The following ERI2 variants were observed in gnomAD, a reference collection of about 807,000 sequenced individuals.
The protein encoded by ERI2 is ERI1 exoribonuclease family member 2.
A neutral mutation model predicts 46.8 loss-of-function variants in ERI2; 35 were observed. The observed-to-expected ratio is 0.75, with a 90% CI of 0.57 to 0.99. The LOEUF is 0.99. Among genes scored for constraint, ERI2 ranks in the 50% least tolerant of loss-of-function variants. The pLI, the probability that ERI2 is intolerant of heterozygous loss-of-function variation, is 0.00. For missense variants in ERI2, 695 were observed against 796.2 expected, an observed-to-expected ratio of 0.87 and a Z score of 1.53; for synonymous variants, 224 against 271.0, an observed-to-expected ratio of 0.83 and a Z score of 1.70.
downstream of ERI2, among the ~76,000 whole-genome samples, chr16:20,794,011 T>C (rs1350111896): frequency 6.6e-6 from 1 of 151,902 alleles, no homozygotes; most frequent in Non-Finnish European, 1.5e-5. Context: ...TTAGTCAGAG[T>C]GAGGGGGAAA....
At chr16:20,780,658 G>T in exon 11 of ERI2, 1 of 1,614,114 alleles carries the variant, frequency 6.2e-7, no homozygotes, top group South Asian at 1.1e-5. Flanking sequence ...TTTTTCAGTG[G>T]TAACAGTCTG....
downstream of ERI2, chr16:20,791,880 A>G (rs2080605955): frequency 2.6e-6 from 3 of 1,166,318 alleles, no homozygotes; most frequent in Middle Eastern, 2.3e-4. Context: ...GTAAGCCAAG[A>G]TCGTACTACT....
intron 10 of ERI2, among the ~76,000 whole-genome samples, chr16:20,785,434 CA>C (rs1482819100): frequency 6.6e-6 from 1 of 152,010 alleles, no homozygotes; most frequent in Non-Finnish European, 1.5e-5. Context: ...AGGGCTGCCT[CA>C]AAATGGAAAA....
At position 20,784,318 on chromosome 16, in the gene ERI2, G is replaced by A. The variant is rs538938168; in HGVS notation, c.895-3584C>T. Among the ~76,000 whole-genome samples, 34 of 152,158 alleles carry A rather than the reference G, an allele frequency of 2.2e-4. No homozygotes were observed. In the South Asian group the frequency reaches 7.1e-3, roughly 32 times the overall value. On this transcript the variant is annotated intron_variant, in intron 10 of 10. Transcript: ENST00000300005. ...TTTCTAGTGTTCAATATCCATATAGGGCTAGCATATACTGTAGTGGGTACA... is the reference window on the plus strand; with the variant it reads ...TTTCTAGTGTTCAATATCCATATAGAGCTAGCATATACTGTAGTGGGTACA...
rs1181964548 is a variant in ERI2 at position 20,797,880 on chromosome 16, T to C, written c.1920A>G (p.Glu640=). The C allele has an allele frequency of 2.6e-6, 4 of 1,551,680 alleles. No individual in the cohort carries two copies. Among genetic ancestry groups the C allele is most frequent in the Admixed American group, 2.0e-5 (1 of 50,996 alleles). The part of the protein sequence containing the change: ...NRKCCGYFKW[E]QTLQKERANS... ...TGGCTCTTTCCTTTTGAAGTGTTTG[T>C]TCCCATTTGAAATAACCACAACATT... The change falls in exon 9 of 9, where the codon GAA becomes GAG. Residue 640 remains glutamate (E), a synonymous_variant. Transcript: ENST00000357967.
At chr16:20,782,904 G>T (rs1395847950) in intron 10 of ERI2, among the ~76,000 whole-genome samples, 1 of 152,218 alleles carries the variant, frequency 6.6e-6, no homozygotes, top group African/African-American at 2.4e-5. Flanking sequence ...CCCAAGTGCA[G>T]CAGCTTCTAT....
intron 3 of ERI2, 28 bp from the exon 4 acceptor site, chr16:20,802,951 T>C (rs761455184): frequency 2.0e-6 from 3 of 1,534,546 alleles, no homozygotes; most frequent in Non-Finnish European, 2.6e-6. Flanking sequence ...CAATTGACAG[T>C]TGAATAAATA....
rs1219475874 is a variant in ERI2, at chr16:20,798,009, G to C, written c.1791C>G (p.Cys597Trp). 3 of 1,551,756 alleles carry C rather than the reference G, an allele frequency of 1.9e-6. No individual in the cohort carries two copies. Among genetic ancestry groups the C allele is most frequent in the Non-Finnish European group, 2.6e-6 (3 of 1,146,956 alleles). The part of the protein sequence containing the change: ...WKSGKMTPPL[C>W]KCGRRSKRLV... Reference sequence around the variant, plus strand: ...GTCTCTTAGATCTCCGACCACACTTGCATAATGGAGGTGTCATTTTCCCAC... The same window carrying C: ...GTCTCTTAGATCTCCGACCACACTTCCATAATGGAGGTGTCATTTTCCCAC... Residue 597 changes from cysteine to tryptophan, a missense_variant, in exon 9 of 9, where the codon TGC (cysteine) becomes TGG (tryptophan). Coordinates refer to ENST00000357967, the MANE Select transcript of ERI2 (RefSeq NM_001142725.2).
At chr16:20,793,130 G>C (rs1167108348), downstream of ERI2, among the ~76,000 whole-genome samples, 1 of 152,190 alleles carries the variant, frequency 6.6e-6, no homozygotes, top group Non-Finnish European at 1.5e-5. Flanking sequence ...AGGGCACAGG[G>C]CAGAGTTAGA....
At chr16:20,785,947 G>A in intron 10 of ERI2, 1 of 559,014 alleles carries the variant, frequency 1.8e-6, no homozygotes, top group Non-Finnish European at 3.1e-6. Flanking sequence ...CATTCCATGA[G>A]AGTATAGCAT....
chr16:20,806,268 G>C (rs988597059), intron 1 of ERI2, 140 bp downstream of exon 1: 50 of 1,437,834 alleles, frequency 3.5e-5, no homozygotes, highest in Non-Finnish European at 4.3e-5. Flanking sequence ...AACCGTGCCA[G>C]AGAGGGCAGG....
intron 8 of ERI2, among the ~76,000 whole-genome samples, chr16:20,791,135 C>G (rs770525805): frequency 5.0e-4 from 76 of 152,192 alleles, no homozygotes; most frequent in Non-Finnish European, 1.0e-3. Flanking sequence ...ATTTTCATCT[C>G]TAATCACAGT....
chr16:20,783,502 A>C (rs1355723336), intron 10 of ERI2: 2 of 152,186 alleles, frequency 1.3e-5, no homozygotes, highest in East Asian at 1.9e-4. Flanking sequence ...GTACTAAAAA[A>C]GTTTCAGATT....
downstream of ERI2, among the ~76,000 whole-genome samples, chr16:20,791,516 T>G (rs577533562): frequency 6.6e-6 from 1 of 152,358 alleles, no homozygotes; most frequent in East Asian, 1.9e-4. Flanking sequence ...TAGTTTACCT[T>G]TCTTCTGTCG....
At position 20,797,940 on chromosome 16, in the gene ERI2, A is replaced by C. The variant is rs779935134; in HGVS notation, c.1860T>G (p.Tyr620Ter). ...CTTGGTATTTCCCGATAGGGCAACA[A>C]TAGAAGACTTTTCCATGGTTCGGTC... ...NNGPNHGKVFYCCPIGKYQEN... is the reference protein window; with the variant it reads ...NNGPNHGKVF The change falls in exon 9 of 9, where the codon TAT (tyrosine) becomes TAG (stop). Residue 620 changes from tyrosine (Y) to a stop codon, truncating the protein, a stop_gained. Transcript: ENST00000357967. LOFTEE classifies it high-confidence loss of function. 97 of 1,551,804 alleles carry C rather than the reference A, an allele frequency of 6.3e-5. No individual in the cohort carries two copies. In the African/African-American group the frequency reaches 1.2e-3, roughly 19 times the overall value.
chr16:20,781,617 C>T, intron 10 of ERI2: 1 of 955,898 alleles, frequency 1.0e-6, no homozygotes, highest in Non-Finnish European at 1.7e-6. Context: ...TTAACATAAA[C>T]AATGTTTAAA....
At chr16:20,781,676 A>C in intron 10 of ERI2, 1 of 1,530,372 alleles carries the variant, frequency 6.5e-7, no homozygotes, top group Non-Finnish European at 9.1e-7. Flanking sequence ...AAGTTGTAGT[A>C]AGACCAAGAG....
At chr16:20,792,574 T>C (rs1567364862), downstream of ERI2, 2 of 985,308 alleles carry the variant, frequency 2.0e-6, no homozygotes, top group Non-Finnish European at 2.4e-6. Context: ...GAATTTGAAT[T>C]CCTTCCGTGG....
exon 11 of ERI2, chr16:20,780,648 T>G (rs756498670): frequency 1.7e-5 from 27 of 1,613,702 alleles, no homozygotes; most frequent in Non-Finnish European, 2.2e-5. Flanking sequence ...CTTCTCAAAA[T>G]TTTTCAGTGG....
Sources: gnomAD v4.1 joint callset for allele counts (sites outside exome capture counted in the v4.1 genomes callset) on GRCh38, gnomAD v4.1.1 for gene constraint, MANE v1.5 for transcripts, NCBI Gene and HGNC (gene_info 2026-07-23, HGNC 2026-07-21) for gene names.